The following TMEM45B variants were observed in gnomAD, a reference collection of about 807,000 sequenced individuals.
TMEM45B encodes transmembrane protein 45B.
A neutral mutation model predicts 27.3 loss-of-function variants in TMEM45B; 29 were observed. The observed-to-expected ratio is 1.06, with a 90% CI of 0.79 to 1.45. The LOEUF is 1.45. TMEM45B is among the 40% of genes most tolerant of loss of function. TMEM45B has a pLI of 0.00. For synonymous variants in TMEM45B, 143 were observed against 134.7 expected (o/e 1.06, Z -0.43); for missense variants, 348 against 343.9 (o/e 1.01, Z -0.09).
rs1189882086 is a variant in TMEM45B at position 129,855,767 on chromosome 11, C to T, written c.445C>T (p.Leu149Phe). 29 of 1,614,102 alleles carry T rather than the reference C, an allele frequency of 1.8e-5. No individual in the cohort carries two copies. Among genetic ancestry groups the T allele is most frequent in the South Asian group, 2.2e-5 (2 of 91,086 alleles). Residue 149 changes from leucine to phenylalanine, a missense_variant, in exon 4 of 6, where the codon CTC becomes TTC. By Grantham distance (22) the Leu-to-Phe change is conservative. Coordinates refer to ENST00000281441, the MANE Select transcript of TMEM45B (RefSeq NM_138788.5). ...TCCGCTGGACCAGCACATCCACTCA[C>T]TCCTGCTGTATGCTCTGTTCGGAGG... is the stretch of plus-strand genomic sequence containing the variant. ...RPPLDQHIHS[L>F]LLYALFGGCV...
chr11:129,836,868 A>G (rs576889075), intron 1 of TMEM45B, among the ~76,000 whole-genome samples: 45 of 152,336 alleles, frequency 3.0e-4, no homozygotes, highest in African/African-American at 1.0e-3. Flanking sequence ...CATGCTTACA[A>G]CATGGAGAAA....
chr11:129,826,439 A>C (rs984670460), intron 1 of TMEM45B, among the ~76,000 whole-genome samples: 23 of 149,302 alleles, frequency 1.5e-4, no homozygotes, highest in Non-Finnish European at 2.5e-4. Context: ...GTCCCAGCTA[A>C]TCGGGAGGCT....
At chr11:129,818,960 A>T (rs2135547863) in intron 1 of TMEM45B, among the ~76,000 whole-genome samples, 1 of 152,302 alleles carries the variant, frequency 6.6e-6, no homozygotes, top group African/African-American at 2.4e-5. Flanking sequence ...TCCCTTGAGA[A>T]TTTGCCAAAT....
chr11:129,817,011 G>T (rs1246069866), intron 1 of TMEM45B, among the ~76,000 whole-genome samples: 2 of 151,658 alleles, frequency 1.3e-5, no homozygotes, highest in Admixed American at 6.6e-5. Context: ...CTCCCAAAGT[G>T]CTGGGATTAC....
In TMEM45B at chr11:129,821,093, T is replaced by G. The variant is rs182686063; in HGVS notation, c.-9+5195T>G. ...ATATGTCAATGTTTGGTGTATATAT[T>G]ATTCCCAACTAAGGCACATGATACA... On this transcript the variant is annotated intron_variant, in intron 1 of 5. Coordinates refer to ENST00000281441, the MANE Select transcript of TMEM45B (RefSeq NM_138788.5). Among the ~76,000 whole-genome samples the G allele has an allele frequency of 3.0e-3, 461 of 152,312 alleles. 1 individual carries two copies. Among genetic ancestry groups the G allele is most frequent in the Non-Finnish European group, 4.3e-3 (294 of 68,034 alleles).
At chr11:129,851,279 C>T (rs1322028625) in intron 1 of TMEM45B, among the ~76,000 whole-genome samples, 1 of 152,056 alleles carries the variant, frequency 6.6e-6, no homozygotes, top group Non-Finnish European at 1.5e-5. Flanking sequence ...TGTGGTGGCT[C>T]ACACCTGTAA....
At chr11:129,851,620 A>T (rs1289582048) in intron 1 of TMEM45B, among the ~76,000 whole-genome samples, 3 of 151,196 alleles carry the variant, frequency 2.0e-5, no homozygotes, top group South Asian at 2.1e-4. Flanking sequence ...ACACATTCAA[A>T]CCACAGCAAT....
At chr11:129,829,416 A>C (rs1947522726) in intron 1 of TMEM45B, among the ~76,000 whole-genome samples, 1 of 152,204 alleles carries the variant, frequency 6.6e-6, no homozygotes, top group African/African-American at 2.4e-5. Context: ...TTTACTTTTA[A>C]GTATATTCTT....
rs1429940898 is a variant in TMEM45B, at chr11:129,837,970, T to C, written c.-8-14505T>C. On this transcript the variant is annotated intron_variant, in intron 1 of 5. Transcript: ENST00000281441. Reference sequence around the variant, plus strand: ...CTAATTTTTGCATTTTTAGTATAGATGGGATTTCACCATGTTGGCCAGCCT... The same window carrying C: ...CTAATTTTTGCATTTTTAGTATAGACGGGATTTCACCATGTTGGCCAGCCT... 5.9e-5 allele frequency among the ~76,000 whole-genome samples: 9 copies of C among 151,660 alleles called. No individual in the cohort carries two copies. The South Asian group carries it at 1.9e-3, about 32-fold the overall frequency.
Position 129,815,868 on chromosome 11 carries a change from G to A in TMEM45B, c.-39G>A. 5.4e-6 allele frequency: 7 copies of A among 1,306,028 alleles called. No homozygotes were observed. The highest frequency in any genetic ancestry group is 4.8e-6 in the Non-Finnish European group (5 of 1,035,556). The allele number at this position is 1,306,028 out of a possible 1,614,324, so 80.9% of individuals were successfully genotyped here. A position where few individuals can be genotyped will look rare whatever the true frequency, so the allele number is the denominator to read the frequency against. ...CGGACGCACTTGGCGCGCGGCGCGG[G>A]CTGCAGACGGCTGCGAGGCGCTGGG... On this transcript the variant is annotated 5_prime_UTR_variant, in exon 1 of 6. Transcript: ENST00000281441.
rs778255246 is a variant in TMEM45B at position 129,854,695 on chromosome 11, G to A, written c.264G>A (p.Gln88=). The A allele has an allele frequency of 3.0e-5, 48 of 1,614,122 alleles. 1 individual carries two copies. Among genetic ancestry groups the A allele is most frequent in the Admixed American group, 1.3e-4 (8 of 60,010 alleles). The part of the protein sequence containing the change: ...ENHWIKLMNW[Q]HSTMYLFFAV... ...ACTGGATAAAGTTAATGAATTGGCAGCACAGCACCATGTACCTATTCTTTG... is the reference window on the plus strand; with the variant it reads ...ACTGGATAAAGTTAATGAATTGGCAACACAGCACCATGTACCTATTCTTTG... The change falls in exon 3 of 6, where the codon CAG becomes CAA. Residue 88 remains glutamine, a synonymous_variant. Transcript: ENST00000281441.
chr11:129,824,155 G>A (rs1171732690), intron 1 of TMEM45B, among the ~76,000 whole-genome samples: 1 of 152,058 alleles, frequency 6.6e-6, no homozygotes, highest in African/African-American at 2.4e-5. Flanking sequence ...CGGTCTCACT[G>A]GGGCTGTTTA....
chr11:129,835,379 T>A (rs1289493359), intron 1 of TMEM45B, among the ~76,000 whole-genome samples: 1 of 152,154 alleles, frequency 6.6e-6, no homozygotes, highest in East Asian at 1.9e-4. Flanking sequence ...AGGGCCCTCT[T>A]GTCAAATGGC....
intron 1 of TMEM45B, among the ~76,000 whole-genome samples, chr11:129,831,255 C>T (rs572053989): frequency 1.3e-4 from 20 of 152,292 alleles, no homozygotes; most frequent in African/African-American, 4.1e-4. Flanking sequence ...AACTTTCATG[C>T]TTCCACTTAA....
At chr11:129,816,593 A>G (rs1201664340) in intron 1 of TMEM45B, among the ~76,000 whole-genome samples, 3 of 151,860 alleles carry the variant, frequency 2.0e-5, no homozygotes, top group Non-Finnish European at 4.4e-5. Flanking sequence ...CAGAGAAACA[A>G]CCTCTGAAGC....
At position 129,829,562 on chromosome 11, in the gene TMEM45B, T is replaced by G. The variant is rs371593077; in HGVS notation, c.-9+13664T>G. ...GAGTAAGTGACATTATCTAGTTCAC[T>G]CCCACCATATGGATGATTGGCTGCA... is the stretch of plus-strand genomic sequence containing the variant. On this transcript the variant is annotated intron_variant, in intron 1 of 5. Transcript: ENST00000281441. Among the ~76,000 whole-genome samples the G allele has an allele frequency of 5.9e-5, 9 of 152,346 alleles. 1 individual carries two copies. The highest frequency in any genetic ancestry group is 6.5e-5 in the Admixed American group (1 of 15,296).
At chr11:129,848,286 G>A (rs1296272164) in intron 1 of TMEM45B, among the ~76,000 whole-genome samples, 7 of 150,636 alleles carry the variant, frequency 4.6e-5, no homozygotes, top group South Asian at 2.1e-4. Flanking sequence ...CGAGGCTGGC[G>A]GATCACTCGC....
chr11:129,851,871 C>A (rs1026105862), intron 1 of TMEM45B, among the ~76,000 whole-genome samples: 14 of 152,134 alleles, frequency 9.2e-5, no homozygotes, highest in African/African-American at 3.4e-4. Flanking sequence ...GACCACCACA[C>A]CAAAACTTTA....
intron 1 of TMEM45B, among the ~76,000 whole-genome samples, chr11:129,818,850 A>G (rs184349777): frequency 1.6e-4 from 24 of 152,376 alleles, no homozygotes; most frequent in African/African-American, 5.8e-4. Context: ...CGGATTTAAG[A>G]AAAATAAAGC....
Sources: allele counts gnomAD v4.1 joint callset (sites outside exome capture counted in the v4.1 genomes callset), GRCh38; gene constraint gnomAD v4.1.1; transcripts MANE v1.5; gene names NCBI Gene and HGNC (gene_info 2026-07-23, HGNC 2026-07-21).